TMEFF2: variants seen among roughly 807,000 people sequenced by gnomAD.
TMEFF2 encodes tomoregulin-2.
TMEFF2 carries 28 observed loss-of-function variants against 53.8 expected under a neutral mutation model. The ratio of observed to expected loss-of-function variants is 0.52; its 90% confidence interval spans 0.39 to 0.71. The LOEUF (loss-of-function observed/expected upper bound fraction) is 0.71, where lower values mean the gene tolerates loss of function less well. Ranked by LOEUF, TMEFF2 falls within the 30% of genes least tolerant of loss-of-function variation. The pLI is 0.00. For synonymous variants in TMEFF2, 162 were observed against 166.3 expected, an observed-to-expected ratio of 0.97 and a Z score of 0.20; for missense variants, 353 against 455.2, an observed-to-expected ratio of 0.78 and a Z score of 2.04.
rs144456174 is a variant in TMEFF2, at chr2:192,058,518, G to C, written c.440-743C>G. Among the ~76,000 whole-genome samples, 361 of 152,144 alleles carry C rather than the reference G, an allele frequency of 2.4e-3. 2 individuals carry two copies. Among genetic ancestry groups the C allele is most frequent in the African/African-American group, 8.5e-3 (351 of 41,526 alleles). On this transcript the variant is annotated intron_variant, in intron 4 of 9. Coordinates refer to ENST00000272771, the MANE Select transcript of TMEFF2 (RefSeq NM_016192.4). Reference sequence around the variant, plus strand: ...CCTCTAAATTACAAGTGCAAAAATAGGCAATATATCACCTAATTATAAAGT... The same window carrying C: ...CCTCTAAATTACAAGTGCAAAAATACGCAATATATCACCTAATTATAAAGT...
chr2:192,044,348 A>C (rs1687559299), intron 5 of TMEFF2: 2 of 152,238 alleles, frequency 1.3e-5, no homozygotes, highest in Non-Finnish European at 2.9e-5. Context: ...AAGAAAATTC[A>C]GTGAAATTTC....
intron 7 of TMEFF2, among the ~76,000 whole-genome samples, chr2:191,966,082 C>T (rs1692463735): frequency 6.6e-6 from 1 of 151,858 alleles, no homozygotes; most frequent in Non-Finnish European, 1.5e-5. Context: ...AGGAATGTTT[C>T]CCTAGGTTTC....
At chr2:192,131,519 G>A (rs1289551988) in intron 4 of TMEFF2, among the ~76,000 whole-genome samples, 6 of 151,366 alleles carry the variant, frequency 4.0e-5, no homozygotes, top group East Asian at 2.0e-4. Context: ...TCCGCACCCC[G>A]ACCTCTTATC....
chr2:192,036,835 A>G (rs140728071), intron 5 of TMEFF2: 239 of 152,320 alleles, frequency 1.6e-3, no homozygotes, highest in African/African-American at 5.0e-3. Flanking sequence ...TAAAATGTCA[A>G]TCCTCAGAGA....
chr2:192,097,130 C>T (rs1688930125), intron 4 of TMEFF2, among the ~76,000 whole-genome samples: 1 of 152,200 alleles, frequency 6.6e-6, no homozygotes, highest in South Asian at 2.1e-4. Context: ...ATGTTGGCTT[C>T]ACTTATAAGT....
intron 7 of TMEFF2, among the ~76,000 whole-genome samples, chr2:191,996,556 T>G (rs1686226823): frequency 6.6e-6 from 1 of 151,910 alleles, no homozygotes; most frequent in African/African-American, 2.4e-5. Flanking sequence ...TTTTCATTAT[T>G]ATCTTTTATT....
In TMEFF2 at chr2:192,194,366, G is replaced by A; in HGVS notation, c.159C>T (p.Gly53=). 1 of 1,614,146 alleles carries A rather than the reference G, an allele frequency of 6.2e-7. No homozygotes were observed. The part of the protein sequence containing the change: ...TSLSDCQTPT[G]WNCSGYDDRE... ...TTCTGGACTTACCAGAGCAATTCCA[G>A]CCGGTGGGCGTTTGGCAGTCACTTA... The change falls in exon 1 of 10, where the codon GGC becomes GGT. Residue 53 remains glycine, a synonymous_variant. Coordinates refer to ENST00000272771, the MANE Select transcript of TMEFF2 (RefSeq NM_016192.4). This position sits in a 1 kb window ranked among gnomAD's most constrained non-coding sequence, Gnocchi z 4.2.
intron 7 of TMEFF2, among the ~76,000 whole-genome samples, chr2:191,997,299 ATC>A (rs1222288296): frequency 1.3e-5 from 2 of 151,938 alleles, no homozygotes; most frequent in Non-Finnish European, 2.9e-5. Context: ...TGTTTAAAAT[ATC>A]TTTTTTATTT....
At chr2:192,192,101 C>G (rs1332261736) in intron 1 of TMEFF2, 112 bp from the exon 2 acceptor site, 3 of 699,338 alleles carry the variant, frequency 4.3e-6, no homozygotes, top group Middle Eastern at 6.3e-4. Context: ...AATCCAACAA[C>G]TATAGCTGTA....
intron 7 of TMEFF2, among the ~76,000 whole-genome samples, chr2:191,979,310 T>G (rs974515278): frequency 6.6e-6 from 1 of 152,202 alleles, no homozygotes; most frequent in African/African-American, 2.4e-5. Context: ...TGATAGGAAG[T>G]TCTCAGTTTT....
chr2:192,132,357 C>A (rs1689861630), intron 4 of TMEFF2, among the ~76,000 whole-genome samples: 1 of 152,092 alleles, frequency 6.6e-6, no homozygotes, highest in South Asian at 2.1e-4. Flanking sequence ...TATAAAAACC[C>A]AGCCCAGTTC....
intron 4 of TMEFF2, among the ~76,000 whole-genome samples, chr2:192,155,638 T>C (rs1690489780): frequency 6.6e-6 from 1 of 151,974 alleles, no homozygotes; most frequent in Non-Finnish European, 1.5e-5. Flanking sequence ...TTTTTCTCTC[T>C]AAAATCAGTT....
At chr2:191,987,412 CTT>C (rs5837271) in intron 7 of TMEFF2, among the ~76,000 whole-genome samples, 45 of 147,798 alleles carry the variant, frequency 3.0e-4, no homozygotes, top group East Asian at 1.4e-3. Context: ...TTTCTTTTTA[CTT>C]TTTTTTTTTT....
intron 5 of TMEFF2, among the ~76,000 whole-genome samples, chr2:192,056,985 T>C (rs115117248): frequency 0.018 from 2,765 of 152,318 alleles, 82 homozygotes; most frequent in African/African-American, 0.063. Flanking sequence ...ACCCAGTTTA[T>C]GGTATTTTGT....
chr2:192,130,879 G>A lies in TMEFF2; in HGVS notation c.439+48789C>T, dbSNP rs939800031. On this transcript the variant is annotated intron_variant, in intron 4 of 9. Transcript: ENST00000272771. ...TAGAGACAAGGAGAGAAGGGGTTGG[G>A]GTACTTGCCCCAAAACTCCGGCGCT... is the stretch of plus-strand genomic sequence containing the variant. 6.6e-5 allele frequency among the ~76,000 whole-genome samples: 10 copies of A among 151,650 alleles called. No homozygotes were observed. In the South Asian group the frequency reaches 1.0e-3, roughly 16 times the overall value.
chr2:192,102,626 CTT>C (rs10635775), intron 4 of TMEFF2, among the ~76,000 whole-genome samples: 2 of 109,844 alleles, frequency 1.8e-5, no homozygotes, highest in African/African-American at 3.6e-5. Flanking sequence ...TTTTCTTGTT[CTT>C]TTTTTTTTTT....
intron 4 of TMEFF2, among the ~76,000 whole-genome samples, chr2:192,091,900 C>T (rs559629104): frequency 6.6e-6 from 1 of 152,198 alleles, no homozygotes; most frequent in East Asian, 1.9e-4. Context: ...GTCCTCACTC[C>T]AGGAGACGTG....
chr2:192,101,240 G>A (rs996296025), intron 4 of TMEFF2, among the ~76,000 whole-genome samples: 3 of 152,088 alleles, frequency 2.0e-5, no homozygotes, highest in African/African-American at 7.2e-5. Flanking sequence ...CTGCAGGGCT[G>A]GAAGAGAACA....
intron 4 of TMEFF2, among the ~76,000 whole-genome samples, chr2:192,085,088 C>T (rs930035077): frequency 4.6e-5 from 7 of 152,138 alleles, no homozygotes; most frequent in South Asian, 4.1e-4. Context: ...CAGGATGTAA[C>T]GCTTCTTCTG....
Sources: gnomAD v4.1 joint callset for allele counts (sites outside exome capture counted in the v4.1 genomes callset) on GRCh38, gnomAD v4.1.1 for gene constraint, Gnocchi (gnomAD v3.1) non-coding constraint, MANE v1.5 for transcripts, NCBI Gene and HGNC (gene_info 2026-07-23, HGNC 2026-07-21) for gene names.